CAPN8: variants seen among roughly 807,000 people sequenced by gnomAD.
CAPN8 encodes calpain 8.
CAPN8 carries 87 observed loss-of-function variants against 80.9 expected under a neutral mutation model. The ratio of observed to expected loss-of-function variants is 1.07; its 90% CI spans 0.90 to 1.28. The LOEUF is 1.28. Ranked by LOEUF, CAPN8 falls within the 50% of genes most tolerant of loss-of-function variation. The probability of loss-of-function intolerance (pLI) is 0.00; values close to 1 mark genes in which losing one functional copy is unlikely to be tolerated. For missense variants in CAPN8, 757 were observed against 702.0 expected, an observed-to-expected ratio of 1.08 and a Z score of -0.89; for synonymous variants, 299 against 273.8, an observed-to-expected ratio of 1.09 and a Z score of -0.91.
chr1:223,552,445 T>G (rs1656814631), intron 14 of CAPN8, among the ~76,000 whole-genome samples: 1 of 149,966 alleles, frequency 6.7e-6, no homozygotes, highest in Admixed American at 6.7e-5. Flanking sequence ...GCATCTGCAG[T>G]CCCAGCTACT....
chr1:223,640,152 A>G (rs1419432253), intron 2 of CAPN8, among the ~76,000 whole-genome samples: 1 of 152,016 alleles, frequency 6.6e-6, no homozygotes, highest in Non-Finnish European at 1.5e-5. Flanking sequence ...GACCTACCTC[A>G]TAAGATAGCA....
In CAPN8 at chr1:223,625,861, T is replaced by C; in HGVS notation, c.757A>G (p.Ile253Val). 2.6e-6 allele frequency: 4 copies of C among 1,551,562 alleles called. No homozygotes were observed. Among genetic ancestry groups the C allele is most frequent in the Non-Finnish European group, 3.5e-6 (4 of 1,146,816 alleles). ...DVSSAAEAEA[I>V]TSQKLVKSHA... ...CTCTTAACCAGCTTCTGGCTGGTGATGGCTTCGGCTTCGGCTGCACTGGAG... is the reference window on the plus strand; with the variant it reads ...CTCTTAACCAGCTTCTGGCTGGTGACGGCTTCGGCTTCGGCTGCACTGGAG... Residue 253 changes from isoleucine (I) to valine (V), a missense_variant, in exon 6 of 21, where the codon ATC becomes GTC. By Grantham distance (29) the Ile-to-Val change is conservative. Coordinates refer to ENST00000366872, the MANE Select transcript of CAPN8 (RefSeq NM_001143962.2).
At chr1:223,543,236 C>T (rs1656519794) in intron 19 of CAPN8, 70 bp from the exon 20 acceptor site, 12 of 1,503,056 alleles carry the variant, frequency 8.0e-6, no homozygotes, top group Admixed American at 2.0e-5. Context: ...CAGAGAGCTG[C>T]CTCTGTCTAC....
rs1161652330 is a variant in CAPN8 at position 223,541,857 on chromosome 1, C to A, written c.2091G>T (p.Trp697Cys). 6.5e-7 allele frequency: 1 copy of A among 1,545,406 alleles called. No individual in the cohort carries two copies. Among genetic ancestry groups the A allele is most frequent in the South Asian group, 1.2e-5 (1 of 83,736 alleles). ...DGMVQLSLAE[W>C]LCCVLV ...CGGGTCAGACCAACACGCAGCACAG[C>A]CACTGCAAAGGAAAGGGACAAGATT... The change falls in exon 21 of 21, where the codon TGG becomes TGT. Residue 697 changes from tryptophan (W) to cysteine (C), a missense_variant and splice_region_variant. Transcript: ENST00000366872.
intron 2 of CAPN8, among the ~76,000 whole-genome samples, chr1:223,633,722 T>TA (rs1000755152): frequency 1.3e-5 from 2 of 152,180 alleles, no homozygotes; most frequent in African/African-American, 4.8e-5. Context: ...CAGACATTGT[T>TA]AAAAAAGAAT....
At chr1:223,662,887 T>G (rs1658684825) in intron 1 of CAPN8, among the ~76,000 whole-genome samples, 1 of 152,070 alleles carries the variant, frequency 6.6e-6, no homozygotes, top group African/African-American at 2.4e-5. Context: ...GATTCAGGAG[T>G]CTATTCAATA....
At chr1:223,649,763 G>A (rs891925610) in intron 2 of CAPN8, among the ~76,000 whole-genome samples, 1 of 152,208 alleles carries the variant, frequency 6.6e-6, no homozygotes, top group Non-Finnish European at 1.5e-5. Flanking sequence ...ATGATAGGCA[G>A]GGATTTACAC....
intron 8 of CAPN8, 86 bp from the exon 9 acceptor site, chr1:223,619,539 G>A (rs1657316472): frequency 1.4e-6 from 2 of 1,425,250 alleles, no homozygotes; most frequent in Admixed American, 2.0e-5. Context: ...AAGGAGCCCT[G>A]TGGCACAGGC....
At chr1:223,615,684 G>C (rs535329335) in intron 10 of CAPN8, 1 of 524,542 alleles carries the variant, frequency 1.9e-6, no homozygotes, top group Non-Finnish European at 3.7e-6. Flanking sequence ...CCTGTACTTG[G>C]AAAAGAGTCT....
At chr1:223,642,603 AG>A (rs1658074478) in intron 2 of CAPN8, 1 of 358,078 alleles carries the variant, frequency 2.8e-6, no homozygotes, top group Non-Finnish European at 5.4e-6. Context: ...CACCCCAGAG[AG>A]TTAATGTACT....
In CAPN8 at chr1:223,545,276, C is replaced by T; in HGVS notation, c.1788G>A (p.Gly596=). 1.3e-6 allele frequency: 2 copies of T among 1,551,616 alleles called. No individual in the cohort carries two copies. Among genetic ancestry groups the T allele is most frequent in the Non-Finnish European group, 1.7e-6 (2 of 1,146,958 alleles). ...GCCAGAGCGTCTTGAATTCCACCGC[C>T]CCCAAAGTGCCCGTTCCATTGCTCT... ...LLDSNGTGTL[G]AVEFKTLWLK... is the part of the protein sequence containing the mutation. The change falls in exon 17 of 21, where the codon GGG becomes GGA. Residue 596 remains glycine, a synonymous_variant. Coordinates refer to ENST00000366872, the MANE Select transcript of CAPN8 (RefSeq NM_001143962.2).
chr1:223,622,643 T>A (rs1181250332), intron 7 of CAPN8, 172 bp downstream of exon 7: 8 of 607,942 alleles, frequency 1.3e-5, no homozygotes, highest in Admixed American at 9.2e-5. Context: ...GGTTTTTATT[T>A]TGCTTTTCCC....
intron 2 of CAPN8, among the ~76,000 whole-genome samples, chr1:223,632,360 G>A (rs1484538217): frequency 7.2e-6 from 1 of 138,252 alleles, no homozygotes; most frequent in African/African-American, 2.7e-5. Context: ...TTTGATCTTG[G>A]AGCATAGGTT....
intron 13 of CAPN8, among the ~76,000 whole-genome samples, chr1:223,554,994 G>T (rs954346695): frequency 2.4e-4 from 36 of 152,358 alleles, no homozygotes; most frequent in Middle Eastern, 3.4e-3. Flanking sequence ...GAAATTTCTA[G>T]AAAGCCGGGT....
intron 2 of CAPN8, chr1:223,642,872 C>G: frequency 2.2e-6 from 1 of 454,934 alleles, no homozygotes; most frequent in South Asian, 1.6e-5. Context: ...TGGCATGAAA[C>G]AGCTTCAGGA....
intron 14 of CAPN8, among the ~76,000 whole-genome samples, chr1:223,552,236 C>T (rs1339647425): frequency 1.3e-5 from 2 of 152,160 alleles, no homozygotes; most frequent in African/African-American, 4.8e-5. Context: ...ACTGGCCTCA[C>T]CCCAGCACAG....
chr1:223,631,012 C>T (rs1428935424), intron 2 of CAPN8, among the ~76,000 whole-genome samples: 2 of 152,204 alleles, frequency 1.3e-5, no homozygotes, highest in African/African-American at 4.8e-5. Flanking sequence ...TACAACCTAA[C>T]AGGGCATCAA....
rs562213739 is a variant in CAPN8 at position 223,544,116 on chromosome 1, G to A, written c.1980C>T (p.Ile660=). Residue 660 remains isoleucine, a synonymous_variant, in exon 19 of 21, where the codon ATC becomes ATT. Transcript: ENST00000366872. The stretch of plus-strand genomic sequence containing the variant: ...TACAAGCCACGAAGCTGTCAAAGTT[G>A]ATGCCAAGCTTGCTGCACGCATACC... ...ALRYACSKLG[I]NFDSFVACMI... 1.2e-4 allele frequency: 88 copies of A among 718,404 alleles called. No individual in the cohort carries two copies. In the East Asian group the frequency reaches 2.3e-3, roughly 18 times the overall value. 44.5% of individuals were successfully genotyped at this position (718,404 alleles called of 1,614,324 possible). A position where few individuals can be genotyped will look rare whatever the true frequency, so the allele number is the denominator to read the frequency against.
chr1:223,657,259 G>C (rs1231762956), intron 1 of CAPN8, among the ~76,000 whole-genome samples: 1 of 152,064 alleles, frequency 6.6e-6, no homozygotes, highest in Non-Finnish European at 1.5e-5. Flanking sequence ...TTCACCCCGG[G>C]TGCCCAAGAG....
Sources: gnomAD v4.1 joint callset for allele counts (sites outside exome capture counted in the v4.1 genomes callset) on GRCh38, gnomAD v4.1.1 for gene constraint, MANE v1.5 for transcripts, NCBI Gene and HGNC (gene_info 2026-07-23, HGNC 2026-07-21) for gene names.